PRKCG: variants seen among roughly 807,000 people sequenced by gnomAD.
The protein encoded by PRKCG is protein kinase C gamma, also known as protein kinase C gamma type.
In PRKCG, 28 loss-of-function variants were observed where a neutral mutation model predicts 82.0. The observed-to-expected ratio is 0.34, with a 90% CI of 0.25 to 0.47. The LOEUF is 0.47. Among genes scored for constraint, PRKCG ranks in the 20% least tolerant of loss-of-function variants. The pLI, the probability that PRKCG is intolerant of heterozygous loss-of-function variation, is 1.00. For synonymous variants in PRKCG, 383 were observed against 376.6 expected (o/e 1.02, Z -0.20); for missense variants, 640 against 952.7 (o/e 0.67, Z 4.32).
chr19:53,891,521 A>C (rs1268315802), intron 5 of PRKCG, among the ~76,000 whole-genome samples, 153 bp from the exon 6 acceptor site: 2 of 149,634 alleles, frequency 1.3e-5, no homozygotes, highest in African/African-American at 5.0e-5. Context: ...TGACCTTGTG[A>C]TCCGCCCGCC....
intron 9 of PRKCG, 28 bp downstream of exon 9, chr19:53,893,419 G>C: frequency 1.2e-6 from 2 of 1,606,424 alleles, no homozygotes. Context: ...GTTGAATGGA[G>C]GCAGTTTTTG....
Position 53,893,505 on chromosome 19 carries a change from T to C in PRKCG, c.939+114T>C, listed in dbSNP as rs994611210. The C allele has an allele frequency of 6.0e-6, 7 of 1,165,122 alleles. 1 individual carries two copies. The Admixed American group carries it at 1.3e-4, about 21-fold the overall frequency. 72.2% of individuals were successfully genotyped at this position (1,165,122 alleles called of 1,614,324 possible). ...CACACATGAGTTGAGCACACATTTG[T>C]GCTAGGCCTGTCTTGTGCTTGCTGA... On this transcript the variant is annotated intron_variant, in intron 9 of 17. Transcript: ENST00000263431.
intron 3 of PRKCG, among the ~76,000 whole-genome samples, chr19:53,887,467 A>G (rs2068639151): frequency 8.4e-6 from 1 of 118,498 alleles, no homozygotes; most frequent in Non-Finnish European, 1.6e-5. Context: ...ATTGCACTCC[A>G]GCCTGGGCAG....
At chr19:53,886,135 C>T (rs2068629646) in intron 3 of PRKCG, among the ~76,000 whole-genome samples, 1 of 150,096 alleles carries the variant, frequency 6.7e-6, no homozygotes, top group East Asian at 2.0e-4. Flanking sequence ...GATGGAGTTT[C>T]ACTCTGTCAC....
chr19:53,881,400 A>G (rs2068588114), upstream of PRKCG, among the ~76,000 whole-genome samples: 1 of 151,866 alleles, frequency 6.6e-6, no homozygotes, highest in African/African-American at 2.4e-5. Flanking sequence ...GGAGGGGGAG[A>G]CAGAGTCACA....
intron 3 of PRKCG, among the ~76,000 whole-genome samples, chr19:53,885,740 C>T (rs1568750759): frequency 1.3e-5 from 2 of 152,052 alleles, no homozygotes; most frequent in African/African-American, 4.8e-5. Flanking sequence ...CGTTTTACCA[C>T]CCTCTCAGCT....
chr19:53,881,593 C>T (rs996333151), upstream of PRKCG, among the ~76,000 whole-genome samples: 1 of 151,194 alleles, frequency 6.6e-6, no homozygotes, highest in Non-Finnish European at 1.5e-5. Context: ...GAGATGGCGA[C>T]AGATACAGAT....
Position 53,900,319 on chromosome 19 carries a change from T to C in PRKCG, c.1368T>C (p.His456=), listed in dbSNP as rs1391065993. ...AGCTGGGCAAGTTTAAGGAGCCCCA[T>C]GCAGCGTGAGTCTCGGCCAACAGAG... ...IQQLGKFKEP[H]AAFYAAEIAI... Residue 456 remains histidine, a synonymous_variant, in exon 12 of 18, where the codon CAT becomes CAC. Coordinates refer to ENST00000263431, the MANE Select transcript of PRKCG (RefSeq NM_002739.5). This position sits in a 1 kb window ranked among gnomAD's most constrained non-coding sequence, Gnocchi z 4.2. 2 of 1,614,076 alleles carry C rather than the reference T, an allele frequency of 1.2e-6. No individual in the cohort carries two copies. The highest frequency in any genetic ancestry group is 1.7e-6 in the Non-Finnish European group (2 of 1,179,996).
chr19:53,898,572 G>C lies in PRKCG; in HGVS notation c.1225G>C (p.Gly409Arg), dbSNP rs1207949925. ...EKRVLALGGR[G>R]PGGRPHFLTQ... Reference sequence around the variant, plus strand: ...ACGTGTGCTGGCGCTGGGGGGCCGGGGTCCTGGCGGCCGGCCCCACTTCCT... The same window carrying C: ...ACGTGTGCTGGCGCTGGGGGGCCGGCGTCCTGGCGGCCGGCCCCACTTCCT... The change falls in exon 11 of 18, where the codon GGT (glycine) becomes CGT (arginine). Residue 409 changes from glycine (G) to arginine (R), a missense_variant. Gly to Arg is a moderately radical substitution (Grantham distance 125, BLOSUM62 -2). Coordinates refer to ENST00000263431, the MANE Select transcript of PRKCG (RefSeq NM_002739.5). 1 of 1,610,570 alleles carries C rather than the reference G, an allele frequency of 6.2e-7. No homozygotes were observed. Among genetic ancestry groups the C allele is most frequent in the Non-Finnish European group, 8.5e-7 (1 of 1,179,090 alleles).
intron 9 of PRKCG, among the ~76,000 whole-genome samples, chr19:53,894,111 G>T (rs574485315): frequency 6.6e-6 from 1 of 151,506 alleles, no homozygotes; most frequent in East Asian, 2.0e-4. Flanking sequence ...TGACGCCCAG[G>T]CTGGAGTGCA....
chr19:53,906,843 T>G lies in PRKCG; in HGVS notation c.2042T>G (p.Val681Gly). The G allele has an allele frequency of 1.9e-6, 3 of 1,613,704 alleles. No homozygotes were observed. Among genetic ancestry groups the G allele is most frequent in the Non-Finnish European group, 2.5e-6 (3 of 1,179,988 alleles). ...TTCACCTACGTGAACCCCGACTTCG[T>G]GCACCCGGATGCCCGCAGCCCCACC... ...QGFTYVNPDF[V>G]HPDARSPTSP... Residue 681 changes from valine (V) to glycine (G), a missense_variant, in exon 18 of 18, where the codon GTG becomes GGG. This residue lies in a region of PRKCG where 198 missense variants were observed against 273.4 expected (regional missense o/e 0.72). Coordinates refer to ENST00000263431, the MANE Select transcript of PRKCG (RefSeq NM_002739.5).
chr19:53,882,547 T>C lies in PRKCG; in HGVS notation c.53T>C (p.Leu18Pro). The change falls in exon 1 of 18, where the codon CTG (leucine) becomes CCG (proline). Residue 18 changes from leucine to proline, a missense_variant. This residue lies in a region of PRKCG where 27 missense variants were observed against 23.9 expected (regional missense o/e 1.13). Transcript: ENST00000263431. This position sits in a 1 kb window ranked among gnomAD's most constrained non-coding sequence, Gnocchi z 6.1. ...VGDSEGGPRP[L>P]FCRKGALRQK... ...GATTCAGAGGGGGGACCCCGGCCCCTGTTTTGCAGAAAGGGGGCCCTGAGG... is the reference window on the plus strand; with the variant it reads ...GATTCAGAGGGGGGACCCCGGCCCCCGTTTTGCAGAAAGGGGGCCCTGAGG... 1 of 1,614,170 alleles carries C rather than the reference T, an allele frequency of 6.2e-7. No individual in the cohort carries two copies. The highest frequency in any genetic ancestry group is 8.5e-7 in the Non-Finnish European group (1 of 1,180,024).
At position 53,884,585 on chromosome 19, in the gene PRKCG, T is replaced by C. The variant is rs543545707; in HGVS notation, c.285+342T>C. On this transcript the variant is annotated intron_variant, in intron 3 of 17. Coordinates refer to ENST00000263431, the MANE Select transcript of PRKCG (RefSeq NM_002739.5). This position sits in a 1 kb window ranked among gnomAD's most constrained non-coding sequence, Gnocchi z 4.6. ...AAAAATATCAGTGCAGGTGCGGAGA[T>C]GCCAACATAAGACAGAGGGAATCTC... is the stretch of plus-strand genomic sequence containing the variant. 6.6e-6 allele frequency among the ~76,000 whole-genome samples: 1 copy of C among 151,804 alleles called. No homozygotes were observed. Among genetic ancestry groups the C allele is most frequent in the South Asian group, 2.1e-4 (1 of 4,812 alleles).
chr19:53,905,914 G>GTC (rs371309466), intron 16 of PRKCG, among the ~76,000 whole-genome samples: 27,924 of 125,582 alleles, frequency 0.22, 3,155 homozygotes, highest in South Asian at 0.28. Context: ...CCTTCTTCCT[G>GTC]TCTCTCTCTC....
Position 53,889,706 on chromosome 19 carries a change from C to T in PRKCG, c.354C>T (p.Gly118=), listed in dbSNP as rs771888659. 2 of 1,614,210 alleles carry T rather than the reference C, an allele frequency of 1.2e-6. No individual in the cohort carries two copies. The highest frequency in any genetic ancestry group is 4.5e-5 in the East Asian group (2 of 44,866). ...GCCCCACCTTCTGCGACCACTGTGG[C>T]TCCCTCCTCTACGGGCTTGTGCACC... The part of the protein sequence containing the change: ...YSSPTFCDHC[G]SLLYGLVHQG... The change falls in exon 4 of 18, where the codon GGC becomes GGT. Residue 118 remains glycine, a synonymous_variant. Transcript: ENST00000263431. This position sits in a 1 kb window ranked among gnomAD's most constrained non-coding sequence, Gnocchi z 4.4.
In PRKCG at chr19:53,883,149, C is replaced by T. The variant is rs565876608; in HGVS notation, c.171-14C>T. On this transcript the variant is annotated splice_polypyrimidine_tract_variant and intron_variant, in intron 1 of 17. Transcript: ENST00000263431. This position sits in a 1 kb window ranked among gnomAD's most constrained non-coding sequence, Gnocchi z 5.4. Reference sequence around the variant, plus strand: ...CCCCTTTCTGCACTGACCTAGGATCCCTGACTCTTCCAGGGGTATCGGAAA... The same window carrying T: ...CCCCTTTCTGCACTGACCTAGGATCTCTGACTCTTCCAGGGGTATCGGAAA... 6 of 1,613,984 alleles carry T rather than the reference C, an allele frequency of 3.7e-6. No homozygotes were observed. In the African/African-American group the frequency reaches 5.3e-5, roughly 14 times the overall value.
At chr19:53,906,554 C>G in intron 17 of PRKCG, 97 bp downstream of exon 17, 1 of 1,559,618 alleles carries the variant, frequency 6.4e-7, no homozygotes. Flanking sequence ...GTTCCCTCTG[C>G]AGAGCCCCCC....
intron 16 of PRKCG, among the ~76,000 whole-genome samples, chr19:53,905,697 C>G (rs985475366): frequency 1.5e-5 from 2 of 133,370 alleles, no homozygotes; most frequent in Non-Finnish European, 3.3e-5. Flanking sequence ...CCTCCCTCCC[C>G]CTACCGACCT....
chr19:53,891,525 G>T, intron 5 of PRKCG, 149 bp from the exon 6 acceptor site: 1 of 886,962 alleles, frequency 1.1e-6, no homozygotes. Flanking sequence ...CTTGTGATCC[G>T]CCCGCCTTGG....
Sources: gnomAD v4.1 joint callset for allele counts (sites outside exome capture counted in the v4.1 genomes callset) on GRCh38, gnomAD v4.1.1 for gene constraint, gnomAD v4.1.1 regional missense constraint, Gnocchi (gnomAD v3.1) non-coding constraint, MANE v1.5 for transcripts, NCBI Gene and HGNC (gene_info 2026-07-23, HGNC 2026-07-21) for gene names.